TYW1B: variants seen among roughly 807,000 people sequenced by gnomAD.
TYW1B encodes the protein S-adenosyl-L-methionine-dependent tRNA 4-demethylwyosine synthase TYW1B.
TYW1B carries 73 observed loss-of-function variants against 86.9 expected under a neutral mutation model. The ratio of observed to expected loss-of-function variants is 0.84; its 90% CI spans 0.70 to 1.02. TYW1B has a LOEUF of 1.02. TYW1B is among the 50% of genes least tolerant of loss of function. TYW1B has a pLI of 0.00. For synonymous variants in TYW1B, 248 were observed against 292.8 expected, an observed-to-expected ratio of 0.85 and a Z score of 1.56; for missense variants, 637 against 827.4, an observed-to-expected ratio of 0.77 and a Z score of 2.82.
chr7:72,714,776 G>A (rs1168751539), intron 9 of TYW1B, among the ~76,000 whole-genome samples: 1 of 152,208 alleles, frequency 6.6e-6, no homozygotes, highest in Non-Finnish European at 1.5e-5. Context: ...AATTAGCTGG[G>A]CGTAGTGGCG....
At chr7:72,734,960 C>T (rs543095924) in intron 8 of TYW1B, among the ~76,000 whole-genome samples, 1 of 152,252 alleles carries the variant, frequency 6.6e-6, no homozygotes, top group East Asian at 1.9e-4. Flanking sequence ...ATAACAAATG[C>T]TGACAAGGAT....
At chr7:72,652,410 T>C (rs1350140932) in intron 11 of TYW1B, among the ~76,000 whole-genome samples, 1 of 149,532 alleles carries the variant, frequency 6.7e-6, no homozygotes, top group East Asian at 1.9e-4. Context: ...AAAAAAATTT[T>C]TGTGACATTG....
At chr7:72,702,722 T>C (rs1334344228) in intron 10 of TYW1B, among the ~76,000 whole-genome samples, 2 of 152,006 alleles carry the variant, frequency 1.3e-5, no homozygotes, top group African/African-American at 4.8e-5. Context: ...AAAGTGAGAA[T>C]GGAATATAAC....
intron 7 of TYW1B, among the ~76,000 whole-genome samples, chr7:72,769,841 G>T (rs1787835507): frequency 6.6e-6 from 1 of 152,168 alleles, no homozygotes; most frequent in South Asian, 2.1e-4. Flanking sequence ...GGAGGCTGAG[G>T]CATGTGGATC....
chr7:72,701,853 G>C (rs1445328355), intron 10 of TYW1B, among the ~76,000 whole-genome samples: 1 of 152,124 alleles, frequency 6.6e-6, no homozygotes, highest in African/African-American at 2.4e-5. Context: ...CCTTTGTCAA[G>C]GGGCTCTGTG....
At chr7:72,632,150 G>C (rs1244044710) in intron 11 of TYW1B, among the ~76,000 whole-genome samples, 2 of 149,624 alleles carry the variant, frequency 1.3e-5, no homozygotes, top group Admixed American at 1.4e-4. Flanking sequence ...TACAATAGCC[G>C]GGCATGGCTG....
Position 72,815,390 on chromosome 7 carries a change from A to G in TYW1B, c.227T>C (p.Leu76Pro). 6.3e-7 allele frequency: 1 copy of G among 1,598,802 alleles called. No homozygotes were observed. The highest frequency in any genetic ancestry group is 8.5e-7 in the Non-Finnish European group (1 of 1,175,910). ...AAGACAATTACCAACCTCTTCTATC[A>G]GATGATCATCTGGATCATATTCTTT... The part of the protein sequence containing the change: ...NLKEYDPDDH[L>P]IEEVTSKNVC... Residue 76 changes from leucine (L) to proline (P), a missense_variant, in exon 3 of 14, where the codon CTG becomes CCG. Leu to Pro is a moderately conservative substitution (Grantham distance 98, BLOSUM62 -3). Coordinates refer to ENST00000620995, the MANE Select transcript of TYW1B (RefSeq NM_001145440.3).
intron 8 of TYW1B, among the ~76,000 whole-genome samples, chr7:72,738,483 T>C (rs35404760): frequency 5.9e-5 from 9 of 152,294 alleles, no homozygotes; most frequent in African/African-American, 1.4e-4. Context: ...CTCAGCACAA[T>C]TGCCATTTTG....
At chr7:72,715,922 G>T (rs1284711643) in intron 9 of TYW1B, among the ~76,000 whole-genome samples, 4 of 151,940 alleles carry the variant, frequency 2.6e-5, no homozygotes, top group African/African-American at 4.8e-5. Flanking sequence ...GGACATCTTT[G>T]TTTTGTTTGT....
intron 13 of TYW1B, among the ~76,000 whole-genome samples, chr7:72,596,445 T>C (rs1278357125): frequency 3.3e-5 from 5 of 152,216 alleles, no homozygotes; most frequent in East Asian, 1.9e-4. Context: ...AAGACAGATA[T>C]GTAGAACAAT....
intron 10 of TYW1B, among the ~76,000 whole-genome samples, chr7:72,705,101 C>A (rs1387141340): frequency 6.6e-6 from 1 of 152,142 alleles, no homozygotes; most frequent in African/African-American, 2.4e-5. Flanking sequence ...GTATTTACCT[C>A]TATTGAAAGA....
rs144977819 is a variant in TYW1B at position 72,716,462 on chromosome 7, C to T, written c.1193-2664G>A. On this transcript the variant is annotated intron_variant, in intron 9 of 13. Transcript: ENST00000620995. Reference sequence around the variant, plus strand: ...TAACAACAGTAACAAAGAACGTGGGCGAAATAAAGTTAAATTTCACTGCTC... The same window carrying T: ...TAACAACAGTAACAAAGAACGTGGGTGAAATAAAGTTAAATTTCACTGCTC... Among the ~76,000 whole-genome samples, 1,055 of 152,242 alleles carry T rather than the reference C, an allele frequency of 6.9e-3. 8 individuals carry two copies. Among genetic ancestry groups the T allele is most frequent in the African/African-American group, 0.023 (959 of 41,546 alleles).
intron 6 of TYW1B, among the ~76,000 whole-genome samples, chr7:72,780,479 G>C (rs1788032593): frequency 6.6e-6 from 1 of 152,124 alleles, no homozygotes; most frequent in Non-Finnish European, 1.5e-5. Flanking sequence ...CCAAAGGCCA[G>C]ATAAATCCAA....
chr7:72,604,789 T>C (rs1585841306), intron 13 of TYW1B, among the ~76,000 whole-genome samples: 3 of 152,186 alleles, frequency 2.0e-5, no homozygotes, highest in Admixed American at 1.3e-4. Flanking sequence ...CACCCTCCCC[T>C]GTAGGCAACT....
At chr7:72,616,531 T>G (rs1170663947) in intron 13 of TYW1B, 141 bp downstream of exon 13, 15 of 1,305,448 alleles carry the variant, frequency 1.1e-5, no homozygotes, top group Non-Finnish European at 1.3e-5. Context: ...CAGAATTTAG[T>G]GCTTTCTTAT....
At chr7:72,809,647 G>C (rs1788563524) in intron 4 of TYW1B, among the ~76,000 whole-genome samples, 1 of 148,546 alleles carries the variant, frequency 6.7e-6, no homozygotes, top group Non-Finnish European at 1.5e-5. Flanking sequence ...GCAAGACCCT[G>C]TTCTGAAAAA....
chr7:72,674,623 A>G (rs1554447018), intron 11 of TYW1B, among the ~76,000 whole-genome samples: 1 of 152,120 alleles, frequency 6.6e-6, no homozygotes. Flanking sequence ...CTGGCCACAT[A>G]GTGTTGAATC....
rs184803775 is a variant in TYW1B at position 72,744,428 on chromosome 7, T to C, written c.1082+56A>G. On this transcript the variant is annotated intron_variant, in intron 8 of 13. Coordinates refer to ENST00000620995, the MANE Select transcript of TYW1B (RefSeq NM_001145440.3). ...TAAGTCTGAGTGTGAGCTGGGCAGATTGATTACCACAGCTCATTACATATT... is the reference window on the plus strand; with the variant it reads ...TAAGTCTGAGTGTGAGCTGGGCAGACTGATTACCACAGCTCATTACATATT... The C allele has an allele frequency of 5.9e-4, 899 of 1,519,578 alleles. 3 individuals carry two copies. The African/African-American group carries it at 8.3e-3, about 14-fold the overall frequency. 94.1% of individuals were successfully genotyped at this position (1,519,578 alleles called of 1,614,324 possible).
At chr7:72,773,119 C>G (rs1307403304) in intron 7 of TYW1B, among the ~76,000 whole-genome samples, 2 of 152,106 alleles carry the variant, frequency 1.3e-5, no homozygotes, top group African/African-American at 4.8e-5. Context: ...CCTCTATTAA[C>G]TCTTTATATT....
Sources: gnomAD v4.1 joint callset for allele counts (sites outside exome capture counted in the v4.1 genomes callset) on GRCh38, gnomAD v4.1.1 for gene constraint, MANE v1.5 for transcripts, NCBI Gene and HGNC (gene_info 2026-07-23, HGNC 2026-07-21) for gene names.